Variants in SPEN observed in about 807,000 individuals in gnomAD.
SPEN encodes msx2-interacting protein.
Under a neutral mutation model 269.9 loss-of-function variants are expected in SPEN, and 18 were observed. The observed-to-expected ratio is 0.07, with a 90% CI of 0.05 to 0.10. The LOEUF (loss-of-function observed/expected upper bound fraction) is 0.10. Among genes scored for constraint, SPEN ranks in the 10% least tolerant of loss-of-function variants. The pLI is 1.00. For synonymous variants in SPEN, 1,726 were observed against 1,765.7 expected (o/e 0.98, Z 0.56); for missense variants, 3,822 against 4,631.2 (o/e 0.83, Z 5.07).
At chr1:15,860,413 G>A (rs998997734) in intron 1 of SPEN, among the ~76,000 whole-genome samples, 1 of 143,578 alleles carries the variant, frequency 7.0e-6, no homozygotes, top group African/African-American at 2.7e-5. Context: ...GTGTGTGTGT[G>A]TGTGTATGTG....
In SPEN at chr1:15,935,621, G is replaced by A. The variant is rs1490231300; in HGVS notation, c.9381G>A (p.Gln3127=). Residue 3127 remains glutamine, a synonymous_variant, in exon 11 of 15, where the codon CAG becomes CAA. Transcript: ENST00000375759. The surrounding 1 kb of genome is among the most constrained non-coding windows in gnomAD (Gnocchi z 7.7). ...LHSPRAPLQP[Q]QIEVRAPQRA... is the part of the protein sequence containing the mutation. ...CTCCTCGGGCTCCGCTGCAGCCCCA[G>A]CAAATAGAGGTCAGGGCCCCACAGC... The A allele has an allele frequency of 6.2e-7, 1 of 1,613,962 alleles. No individual in the cohort carries two copies. Among genetic ancestry groups the A allele is most frequent in the Non-Finnish European group, 8.5e-7 (1 of 1,179,992 alleles).
chr1:15,851,234 G>A (rs988858579), intron 1 of SPEN, among the ~76,000 whole-genome samples: 9 of 152,258 alleles, frequency 5.9e-5, no homozygotes, highest in Admixed American at 5.9e-4. Context: ...GCCAAAGAAA[G>A]ACCAAATCCT....
At chr1:15,919,619 A>G (rs1006434064) in intron 8 of SPEN, 102 bp downstream of exon 8, 1 of 642,178 alleles carries the variant, frequency 1.6e-6, no homozygotes, top group African/African-American at 1.9e-5. Flanking sequence ...TTTCTTTAAT[A>G]ACGAGCACAT....
chr1:15,912,238 C>T (rs766112107), intron 5 of SPEN, among the ~76,000 whole-genome samples: 7 of 152,166 alleles, frequency 4.6e-5, no homozygotes, highest in Non-Finnish European at 7.3e-5. Context: ...GTTTCAGGAC[C>T]GCCTGCAGTA....
chr1:15,921,646 T>G (rs2071121065), intron 9 of SPEN, among the ~76,000 whole-genome samples: 1 of 152,224 alleles, frequency 6.6e-6, no homozygotes, highest in African/African-American at 2.4e-5. Context: ...CTGAATGATA[T>G]GTCTTTCTTT....
rs150899650 is a variant in SPEN at position 15,934,308 on chromosome 1, G to A, written c.8068G>A (p.Val2690Met). The change falls in exon 11 of 15, where the codon GTG (valine) becomes ATG (methionine). Residue 2690 changes from valine to methionine, a missense_variant. Transcript: ENST00000375759. The surrounding 1 kb of genome is among the most constrained non-coding windows in gnomAD (Gnocchi z 9.2). ...KSLVSTPAGP[V>M]NVLKGPVNVL... Reference sequence around the variant, plus strand: ...TTTGGTGAGCACCCCTGCTGGGCCCGTGAACGTCCTGAAAGGGCCTGTGAA... The same window carrying A: ...TTTGGTGAGCACCCCTGCTGGGCCCATGAACGTCCTGAAAGGGCCTGTGAA... 6.6e-4 allele frequency: 1,060 copies of A among 1,614,052 alleles called. 10 individuals carry two copies. In the African/African-American group the frequency reaches 0.012, roughly 18 times the overall value.
chr1:15,922,145 A>T, intron 9 of SPEN, 104 bp from the exon 10 acceptor site: 1 of 810,484 alleles, frequency 1.2e-6, no homozygotes, highest in Non-Finnish European at 2.0e-6. Flanking sequence ...GTTTCCTGAA[A>T]TTTTCTCAGA....
chr1:15,928,758 C>G lies in SPEN; in HGVS notation c.2518C>G (p.Gln840Glu). The change falls in exon 11 of 15, where the codon CAA (glutamine) becomes GAA (glutamate). Residue 840 changes from glutamine to glutamate, a missense_variant. By Grantham distance (29) the Gln-to-Glu change is conservative. This residue lies in a region of SPEN where 572 missense variants were observed against 582.6 expected (regional missense o/e 0.98). Coordinates refer to ENST00000375759, the MANE Select transcript of SPEN (RefSeq NM_015001.3). This position sits in a 1 kb window ranked among gnomAD's most constrained non-coding sequence, Gnocchi z 5.7. ...SPSSQSSETD[Q>E]ENEREQSPEK... ...TAGTTCTCAGTCTTCAGAAACGGAC[C>G]AAGAAAATGAGCGAGAGCAAAGCCC... The G allele has an allele frequency of 6.2e-7, 1 of 1,613,894 alleles. No homozygotes were observed. Among genetic ancestry groups the G allele is most frequent in the Admixed American group, 1.7e-5 (1 of 59,992 alleles).
chr1:15,863,790 A>G (rs1056896699), intron 1 of SPEN, among the ~76,000 whole-genome samples: 1 of 152,138 alleles, frequency 6.6e-6, no homozygotes, highest in Non-Finnish European at 1.5e-5. Flanking sequence ...GCAGTGAGCC[A>G]TGATTGCACC....
rs761978747 is a variant in SPEN, at chr1:15,932,697, G to C, written c.6457G>C (p.Val2153Leu). ...AGACAAGGAACCAGAGAAAGAAGAC[G>C]TGTCTGCCTCTGGGCCGTCCCCAGA... is the stretch of plus-strand genomic sequence containing the variant. The part of the protein sequence containing the change: ...DPDKEPEKED[V>L]SASGPSPEAT... The change falls in exon 11 of 15, where the codon GTG becomes CTG. Residue 2153 changes from valine (V) to leucine (L), a missense_variant. This residue lies in a region of SPEN where 727 missense variants were observed against 737.9 expected (regional missense o/e 0.99). Coordinates refer to ENST00000375759, the MANE Select transcript of SPEN (RefSeq NM_015001.3). This position sits in a 1 kb window ranked among gnomAD's most constrained non-coding sequence, Gnocchi z 4.2. 2.5e-6 allele frequency: 4 copies of C among 1,614,068 alleles called. No homozygotes were observed. The African/African-American group carries it at 4.0e-5, about 16-fold the overall frequency.
chr1:15,896,891 C>A (rs2070846659), intron 3 of SPEN, among the ~76,000 whole-genome samples: 2 of 152,032 alleles, frequency 1.3e-5, no homozygotes, highest in African/African-American at 4.8e-5. Context: ...TTGCTTGAGC[C>A]CAGGAGGTTG....
At position 15,848,658 on chromosome 1, in the gene SPEN, G is replaced by T. The variant is rs1350512384; in HGVS notation, c.83+508G>T. Among the ~76,000 whole-genome samples, 1 of 152,196 alleles carries T rather than the reference G, an allele frequency of 6.6e-6. No individual in the cohort carries two copies. Among genetic ancestry groups the T allele is most frequent in the African/African-American group, 2.4e-5 (1 of 41,448 alleles). ...GAAAGGCGGTGCGAAAACAGAAGTC[G>T]CAGTAGGTACTGTGGTCGCGTCGCG... On this transcript the variant is annotated intron_variant, in intron 1 of 14. Transcript: ENST00000375759. This position sits in a 1 kb window ranked among gnomAD's most constrained non-coding sequence, Gnocchi z 5.1.
chr1:15,885,467 G>A (rs1002842430), intron 3 of SPEN, among the ~76,000 whole-genome samples: 3 of 152,104 alleles, frequency 2.0e-5, no homozygotes, highest in African/African-American at 4.8e-5. Context: ...CTATCTTGAC[G>A]TTTATAATTA....
At chr1:15,884,900 A>AT (rs2070722104) in intron 3 of SPEN, among the ~76,000 whole-genome samples, 2 of 151,516 alleles carry the variant, frequency 1.3e-5, no homozygotes, top group African/African-American at 4.9e-5. Flanking sequence ...TAATTTTTGT[A>AT]TTTTTTAATA....
chr1:15,848,161 C>T lies in SPEN; in HGVS notation c.83+11C>T. On this transcript the variant is annotated intron_variant, in intron 1 of 14. Coordinates refer to ENST00000375759, the MANE Select transcript of SPEN (RefSeq NM_015001.3). This position sits in a 1 kb window ranked among gnomAD's most constrained non-coding sequence, Gnocchi z 5.1. ...CGAGCATTTCAAACGGTGAGTGACA[C>T]GAGGCCCGCGGCCGCGCTCGCTCCT... The T allele has an allele frequency of 6.9e-7, 1 of 1,455,670 alleles. No homozygotes were observed. The allele number at this position is 1,455,670 out of a possible 1,614,324, so 90.2% of individuals were successfully genotyped here. A position where few individuals can be genotyped will look rare whatever the true frequency, so the allele number is the denominator to read the frequency against.
chr1:15,909,309 G>A lies in SPEN; in HGVS notation c.882-12G>A, dbSNP rs2070990277. ...CTTTTCACTAAAGTTTGTTGTTGTT[G>A]CCTTTTTGCAGCAGTGATTCCAGCA... On this transcript the variant is annotated splice_polypyrimidine_tract_variant and intron_variant, in intron 3 of 14. Transcript: ENST00000375759. The A allele has an allele frequency of 1.3e-6, 2 of 1,594,880 alleles. No individual in the cohort carries two copies. Among genetic ancestry groups the A allele is most frequent in the South Asian group, 1.1e-5 (1 of 87,522 alleles).
At chr1:15,906,464 T>C (rs2148726702) in intron 3 of SPEN, among the ~76,000 whole-genome samples, 1 of 110,858 alleles carries the variant, frequency 9.0e-6, no homozygotes, top group African/African-American at 2.9e-5. Context: ...TTTTTTTTTT[T>C]TTTTTTTTTT....
intron 1 of SPEN, among the ~76,000 whole-genome samples, chr1:15,862,106 A>G (rs998943579): frequency 4.6e-5 from 7 of 151,780 alleles, no homozygotes; most frequent in African/African-American, 1.5e-4. Context: ...CTTTTGAGGG[A>G]CTCTTGATGT....
Position 15,937,435 on chromosome 1 carries a change from C to A in SPEN, c.10299C>A (p.Ser3433=). 1 of 1,613,840 alleles carries A rather than the reference C, an allele frequency of 6.2e-7. No individual in the cohort carries two copies. The highest frequency in any genetic ancestry group is 8.5e-7 in the Non-Finnish European group (1 of 1,180,018). The stretch of plus-strand genomic sequence containing the variant: ...AAACAGGCCCGACTTCCTTCCCCTC[C>A]CCTGTGTCTGTCTCCATGAAGCCTG... ...QAETGPTSFP[S]PVSVSMKPDL... is the part of the protein sequence containing the mutation. The change falls in exon 12 of 15, where the codon TCC becomes TCA. Residue 3433 remains serine, a synonymous_variant. Coordinates refer to ENST00000375759, the MANE Select transcript of SPEN (RefSeq NM_015001.3). This position sits in a 1 kb window ranked among gnomAD's most constrained non-coding sequence, Gnocchi z 5.7.
Sources: allele counts gnomAD v4.1 joint callset (sites outside exome capture counted in the v4.1 genomes callset), GRCh38; gene constraint gnomAD v4.1.1; regional missense constraint gnomAD v4.1.1; non-coding constraint Gnocchi (gnomAD v3.1); transcripts MANE v1.5; gene names NCBI Gene and HGNC (gene_info 2026-07-23, HGNC 2026-07-21).